The following PCTP variants were observed in gnomAD, a reference collection of about 807,000 sequenced individuals.
PCTP encodes phosphatidylcholine transfer protein.
PCTP carries 27 observed loss-of-function variants against 31.0 expected under a neutral mutation model. The observed-to-expected ratio is 0.87, with a 90% CI of 0.64 to 1.20. The LOEUF is 1.20. Among genes scored for constraint, PCTP ranks in the 50% most tolerant of loss-of-function variants. PCTP has a pLI of 0.00. For synonymous variants in PCTP, 108 were observed against 101.2 expected, an observed-to-expected ratio of 1.07 and a Z score of -0.40; for missense variants, 287 against 268.2, an observed-to-expected ratio of 1.07 and a Z score of -0.49.
chr17:55,790,391 A>G (rs1220026494), intron 3 of PCTP, among the ~76,000 whole-genome samples: 1 of 152,080 alleles, frequency 6.6e-6, no homozygotes, highest in Non-Finnish European at 1.5e-5. Context: ...ACATGATTGT[A>G]TATCTAGAAA....
At chr17:55,757,603 A>G (rs1910112231) in intron 1 of PCTP, among the ~76,000 whole-genome samples, 1 of 151,988 alleles carries the variant, frequency 6.6e-6, no homozygotes, top group African/African-American at 2.4e-5. Context: ...AATGAATGTG[A>G]TCCACGTTCT....
At chr17:55,754,394 A>G (rs1909881624) in intron 1 of PCTP, among the ~76,000 whole-genome samples, 1 of 152,224 alleles carries the variant, frequency 6.6e-6, no homozygotes, top group Non-Finnish European at 1.5e-5. Flanking sequence ...AAAGGATACT[A>G]CAAAGTATAC....
intron 5 of PCTP, among the ~76,000 whole-genome samples, chr17:55,829,973 A>T (rs530118525): frequency 6.6e-6 from 1 of 152,332 alleles, no homozygotes; most frequent in South Asian, 2.1e-4. Flanking sequence ...CATTTCAGGC[A>T]TGTCTCCTAT....
intron 5 of PCTP, among the ~76,000 whole-genome samples, chr17:55,833,735 A>T (rs975766955): frequency 3.3e-5 from 5 of 152,196 alleles, no homozygotes; most frequent in African/African-American, 1.2e-4. Flanking sequence ...TTAATTTTGA[A>T]TTCTCTTTGC....
At chr17:55,840,207 G>C (rs1024838134) in intron 5 of PCTP, among the ~76,000 whole-genome samples, 9 of 152,074 alleles carry the variant, frequency 5.9e-5, no homozygotes, top group Non-Finnish European at 1.0e-4. Flanking sequence ...TGACTGAATG[G>C]TAAATAAAAC....
downstream of PCTP, among the ~76,000 whole-genome samples, chr17:55,847,455 A>G (rs970915885): frequency 6.6e-6 from 1 of 152,120 alleles, no homozygotes; most frequent in South Asian, 2.1e-4. Flanking sequence ...AGTTCTCAGG[A>G]GAGGTGACGG....
downstream of PCTP, among the ~76,000 whole-genome samples, chr17:55,781,886 T>G (rs1911575449): frequency 6.6e-6 from 1 of 152,012 alleles, no homozygotes; most frequent in Non-Finnish European, 1.5e-5. Context: ...TTTCTCAGTA[T>G]GTATTCTGTT....
chr17:55,751,212 T>G lies in PCTP; in HGVS notation c.109T>G (p.Ser37Ala). The change falls in exon 1 of 6, where the codon TCG becomes GCG. Residue 37 changes from serine (S) to alanine (A), a missense_variant. Ser to Ala is a moderately conservative substitution (Grantham distance 99). Coordinates refer to ENST00000268896, the MANE Select transcript of PCTP (RefSeq NM_021213.4). ...GADWQLLVET[S>A]GISIYRLLDK... ...CGACTGGCAGCTCCTAGTGGAGACC[T>G]CGGGCATCAGCATCTACCGGCTGCT... The G allele has an allele frequency of 6.5e-7, 1 of 1,547,516 alleles. No homozygotes were observed. Among genetic ancestry groups the G allele is most frequent in the Non-Finnish European group, 8.7e-7 (1 of 1,145,668 alleles).
chr17:55,792,924 C>A (rs1254004705), intron 3 of PCTP, among the ~76,000 whole-genome samples: 1 of 152,064 alleles, frequency 6.6e-6, no homozygotes, highest in Non-Finnish European at 1.5e-5. Context: ...GGCTTTGCAC[C>A]AAGGGTATGG....
At chr17:55,838,927 G>A (rs1269511003) in intron 5 of PCTP, among the ~76,000 whole-genome samples, 2 of 152,094 alleles carry the variant, frequency 1.3e-5, no homozygotes, top group South Asian at 2.1e-4. Flanking sequence ...GCTAAGGCTC[G>A]GGGGAAACTG....
the PCTP span, among the ~76,000 whole-genome samples, chr17:55,850,030 A>C: frequency 6.6e-6 from 1 of 152,188 alleles, no homozygotes; most frequent in African/African-American, 2.4e-5. Flanking sequence ...GATCATGTCA[A>C]ATCATGCAGA....
downstream of PCTP, among the ~76,000 whole-genome samples, chr17:55,827,452 G>T (rs528898482): frequency 3.9e-4 from 60 of 152,344 alleles, 1 homozygote; most frequent in Non-Finnish European, 7.6e-4. Flanking sequence ...ACAGAAACAA[G>T]AATGCTCAGC....
At chr17:55,815,120 A>G (rs1347323373) in intron 3 of PCTP, among the ~76,000 whole-genome samples, 1 of 152,226 alleles carries the variant, frequency 6.6e-6, no homozygotes, top group East Asian at 1.9e-4. Context: ...GCTGCTTGGA[A>G]GTTCAATGTT....
chr17:55,822,328 T>C (rs994282010), intron 3 of PCTP, among the ~76,000 whole-genome samples: 21 of 152,214 alleles, frequency 1.4e-4, no homozygotes, highest in African/African-American at 5.1e-4. Flanking sequence ...ATTCCAAATG[T>C]TGGAACACAT....
intron 3 of PCTP, among the ~76,000 whole-genome samples, chr17:55,808,097 A>G (rs1912632797): frequency 6.6e-6 from 1 of 152,150 alleles, no homozygotes; most frequent in Non-Finnish European, 1.5e-5. Flanking sequence ...AATCCTCTGA[A>G]CAACAACCTG....
intron 4 of PCTP, 129 bp from the exon 5 acceptor site, chr17:55,774,663 T>C: frequency 1.4e-6 from 1 of 732,038 alleles, no homozygotes; most frequent in Non-Finnish European, 2.3e-6. Flanking sequence ...GAAGTCCATC[T>C]GAATTATATG....
chr17:55,832,494 C>T (rs34485359), intron 5 of PCTP, among the ~76,000 whole-genome samples: 18,954 of 152,180 alleles, frequency 0.12, 1,344 homozygotes, highest in East Asian at 0.35. Context: ...TAAAGTCTCT[C>T]ACCTGCAAAC....
chr17:55,785,285 T>C (rs9916343), intron 2 of PCTP, among the ~76,000 whole-genome samples: 10,557 of 152,296 alleles, frequency 0.069, 1,183 homozygotes, highest in African/African-American at 0.23. Flanking sequence ...AACTAGTAGC[T>C]GAGACCCTCA....
At chr17:55,769,575 C>T (rs1320675261) in intron 2 of PCTP, 1 of 152,228 alleles carries the variant, frequency 6.6e-6, no homozygotes, top group South Asian at 2.1e-4. Flanking sequence ...TGCTCCCCAA[C>T]ATCAACAGCT....
Sources: gnomAD v4.1 joint callset for allele counts (sites outside exome capture counted in the v4.1 genomes callset) on GRCh38, gnomAD v4.1.1 for gene constraint, MANE v1.5 for transcripts, NCBI Gene and HGNC (gene_info 2026-07-23, HGNC 2026-07-21) for gene names.